The following SLC25A24 variants were observed in gnomAD, a reference collection of about 807,000 sequenced individuals.
SLC25A24 encodes the protein solute carrier family 25 member 24, also known as mitochondrial adenyl nucleotide antiporter SLC25A24.
Under a neutral mutation model 60.7 loss-of-function variants are expected in SLC25A24, and 49 were observed. The observed-to-expected ratio is 0.81, with a 90% CI of 0.64 to 1.02. The LOEUF (loss-of-function observed/expected upper bound fraction) is 1.02. Among genes scored for constraint, SLC25A24 ranks in the 50% least tolerant of loss-of-function variants. SLC25A24 has a pLI of 0.00. For missense variants in SLC25A24, 564 were observed against 586.3 expected, an observed-to-expected ratio of 0.96 and a Z score of 0.39; for synonymous variants, 202 against 200.6, an observed-to-expected ratio of 1.01 and a Z score of -0.06.
chr1:108,136,528 C>T lies in SLC25A24; in HGVS notation c.*125G>A, dbSNP rs1679288894. 3 of 723,946 alleles carry T rather than the reference C, an allele frequency of 4.1e-6. No homozygotes were observed. Among genetic ancestry groups the T allele is most frequent in the African/African-American group, 1.8e-5 (1 of 55,984 alleles). 44.8% of individuals were successfully genotyped at this position (723,946 alleles called of 1,614,324 possible). ...AAAAGTTTGAAGTGACCATTGTTACCATCTTCCCTTTTGTGAAAAAAATGC... is the reference window on the plus strand; with the variant it reads ...AAAAGTTTGAAGTGACCATTGTTACTATCTTCCCTTTTGTGAAAAAAATGC... On this transcript the variant is annotated 3_prime_UTR_variant, in exon 10 of 10. Transcript: ENST00000565488.
intron 4 of SLC25A24, among the ~76,000 whole-genome samples, chr1:108,158,740 C>T (rs1328660328): frequency 6.7e-6 from 1 of 150,012 alleles, no homozygotes; most frequent in South Asian, 2.1e-4. Flanking sequence ...CAGTGGCTCA[C>T]GCCTGTAATC....
rs560890849 is a variant in SLC25A24 at position 108,136,805 on chromosome 1, C to T, written c.1282G>A (p.Val428Ile). The T allele has an allele frequency of 4.3e-6, 7 of 1,613,988 alleles. No individual in the cohort carries two copies. In the Admixed American group the frequency reaches 1.2e-4, roughly 27 times the overall value. Residue 428 changes from valine (V) to isoleucine (I), a missense_variant, in exon 10 of 10, where the codon GTT (valine) becomes ATT (isoleucine). By Grantham distance (29) the Val-to-Ile change is conservative. Transcript: ENST00000565488. ...GAAATAATTCGTCGAAAGAGGCCAA[C>T]CATATTCAGCTGTGGGGAACCTTCT... ...MLEGSPQLNM[V>I]GLFRRIISKE...
At chr1:108,160,504 G>A (rs886336980) in intron 4 of SLC25A24, among the ~76,000 whole-genome samples, 13 of 151,416 alleles carry the variant, frequency 8.6e-5, no homozygotes, top group Admixed American at 2.6e-4. Flanking sequence ...TATCCCAGAC[G>A]ATGGGCGGCC....
chr1:108,137,661 G>A (rs966763598), intron 9 of SLC25A24, among the ~76,000 whole-genome samples: 12 of 152,174 alleles, frequency 7.9e-5, no homozygotes, highest in East Asian at 1.9e-4. Context: ...TCTATCAGCC[G>A]TATCAGTCAT....
chr1:108,143,724 A>T lies in SLC25A24; in HGVS notation c.931-14T>A. On this transcript the variant is annotated splice_polypyrimidine_tract_variant and intron_variant, in intron 7 of 9. Transcript: ENST00000565488. ...GGTTTTCATAACCTGGATATAAAAA[A>T]AAACAAAATATGATTGTTCATATTA... 6.3e-7 allele frequency: 1 copy of T among 1,596,562 alleles called. No individual in the cohort carries two copies. Among genetic ancestry groups the T allele is most frequent in the Non-Finnish European group, 8.5e-7 (1 of 1,172,248 alleles).
intron 1 of SLC25A24, among the ~76,000 whole-genome samples, chr1:108,198,048 A>G (rs1336845395): frequency 6.6e-6 from 1 of 152,258 alleles, no homozygotes; most frequent in East Asian, 1.9e-4. Flanking sequence ...GCTTCTTCAC[A>G]CATGTCCACT....
intron 1 of SLC25A24, among the ~76,000 whole-genome samples, chr1:108,194,940 C>T (rs1360228963): frequency 6.6e-6 from 1 of 152,190 alleles, no homozygotes; most frequent in Non-Finnish European, 1.5e-5. Flanking sequence ...GTTCTGATTC[C>T]ACAGCCTATA....
At chr1:108,167,663 G>A (rs642619) in intron 3 of SLC25A24, among the ~76,000 whole-genome samples, 31,006 of 151,934 alleles carry the variant, frequency 0.2, 3,262 homozygotes, top group Middle Eastern at 0.22. Flanking sequence ...CGCACGGTGC[G>A]CACACCCACT....
chr1:108,150,699 T>C (rs1168124409), intron 6 of SLC25A24, among the ~76,000 whole-genome samples: 1 of 152,162 alleles, frequency 6.6e-6, no homozygotes, highest in Admixed American at 6.5e-5. Flanking sequence ...AGAAGAGTTC[T>C]TCTTGTAATC....
At chr1:108,190,442 A>G (rs1011865788) in intron 1 of SLC25A24, among the ~76,000 whole-genome samples, 3 of 152,166 alleles carry the variant, frequency 2.0e-5, no homozygotes, top group African/African-American at 4.8e-5. Flanking sequence ...CTGACTTCCT[A>G]TAAGTCTGAC....
chr1:108,162,315 G>T (rs1571292496), intron 3 of SLC25A24, among the ~76,000 whole-genome samples: 13 of 147,478 alleles, frequency 8.8e-5, no homozygotes, highest in Non-Finnish European at 1.3e-4. Context: ...ACCCAGTAAT[G>T]GGATGGCTGG....
At position 108,141,034 on chromosome 1, in the gene SLC25A24, T is replaced by C. The variant is rs188790426; in HGVS notation, c.1099-1826A>G. ...TAACACATACAGAATCAACTATACC[T>C]TATCTATGAGACTCACTTTAGATCT... On this transcript the variant is annotated intron_variant, in intron 8 of 9. Coordinates refer to ENST00000565488, the MANE Select transcript of SLC25A24 (RefSeq NM_013386.5). Among the ~76,000 whole-genome samples the C allele has an allele frequency of 2.6e-5, 4 of 152,234 alleles. No homozygotes were observed. In the East Asian group the frequency reaches 7.7e-4, roughly 29 times the overall value.
chr1:108,196,077 T>C (rs1648488692), intron 1 of SLC25A24, among the ~76,000 whole-genome samples: 1 of 152,130 alleles, frequency 6.6e-6, no homozygotes, highest in Non-Finnish European at 1.5e-5. Context: ...AATTACTTAA[T>C]GGAGTGAAAT....
intron 3 of SLC25A24, among the ~76,000 whole-genome samples, chr1:108,180,374 A>AG (rs1647871729): frequency 6.6e-6 from 1 of 152,068 alleles, no homozygotes; most frequent in Non-Finnish European, 1.5e-5. Flanking sequence ...CAAAAAAAAA[A>AG]AAAAGTTACC....
At chr1:108,159,831 A>G (rs1301089455) in intron 4 of SLC25A24, among the ~76,000 whole-genome samples, 6 of 151,480 alleles carry the variant, frequency 4.0e-5, no homozygotes, top group Non-Finnish European at 5.9e-5. Flanking sequence ...TTTTCTTAGT[A>G]CAGAACAAAA....
At chr1:108,167,512 C>T (rs185435946) in intron 3 of SLC25A24, among the ~76,000 whole-genome samples, 1 of 152,140 alleles carries the variant, frequency 6.6e-6, no homozygotes, top group East Asian at 1.9e-4. Context: ...TTTTTAAGCC[C>T]GTCAGAAAAG....
chr1:108,151,031 CCTCTA>C (rs1679741033), intron 6 of SLC25A24, among the ~76,000 whole-genome samples: 1 of 151,920 alleles, frequency 6.6e-6, no homozygotes, highest in African/African-American at 2.4e-5. Context: ...TGAAACCTCA[CCTCTA>C]CTAAAAATAC....
At chr1:108,141,753 C>T (rs186054873) in intron 8 of SLC25A24, among the ~76,000 whole-genome samples, 2 of 152,196 alleles carry the variant, frequency 1.3e-5, no homozygotes, top group East Asian at 3.9e-4. Context: ...ATGAAATAAG[C>T]CAGTCACGGA....
At chr1:108,148,489 T>C in intron 6 of SLC25A24, 103 bp from the exon 7 acceptor site, 1 of 714,458 alleles carries the variant, frequency 1.4e-6, no homozygotes, top group East Asian at 2.5e-5. Flanking sequence ...TGTGATGGTA[T>C]TAGGAGATGA....
Sources: allele counts gnomAD v4.1 joint callset (sites outside exome capture counted in the v4.1 genomes callset), GRCh38; gene constraint gnomAD v4.1.1; transcripts MANE v1.5; gene names NCBI Gene and HGNC (gene_info 2026-07-23, HGNC 2026-07-21).